Variants in IL1RAPL1 observed in about 807,000 individuals in gnomAD.
IL1RAPL1 encodes interleukin-1 receptor accessory protein-like 1.
In IL1RAPL1, 3 loss-of-function variants were observed where a neutral mutation model predicts 48.4. That is an observed-to-expected ratio of 0.06 (90% CI 0.03 to 0.16). The LOEUF is 0.16. Ranked by LOEUF, IL1RAPL1 falls within the 10% of genes least tolerant of loss-of-function variation. The probability of loss-of-function intolerance (pLI) is 1.00; values close to 1 mark genes in which losing one functional copy is unlikely to be tolerated. For synonymous variants in IL1RAPL1, 185 were observed against 187.7 expected (o/e 0.99, Z 0.12); for missense variants, 349 against 530.6 (o/e 0.66, Z 3.36).
chrX:28,723,303 C>T (rs1194979857), intron 1 of IL1RAPL1, among the ~76,000 whole-genome samples: 2 of 110,835 alleles, frequency 1.8e-5, no homozygotes, highest in African/African-American at 6.6e-5. Flanking sequence ...GATTCAACTT[C>T]TTCCTGGTTT....
At chrX:28,793,627 A>G (rs976315368) in intron 2 of IL1RAPL1, among the ~76,000 whole-genome samples, 1 of 111,440 alleles carries the variant, frequency 9.0e-6, no homozygotes, top group Non-Finnish European at 1.9e-5. Flanking sequence ...AAAATGGTGT[A>G]TAAGAAAATC....
At chrX:29,045,934 C>T (rs1926950975) in intron 2 of IL1RAPL1, among the ~76,000 whole-genome samples, 1 of 44,924 alleles carries the variant, frequency 2.2e-5, no homozygotes, top group African/African-American at 2.0e-4. Flanking sequence ...CCTCCTCCTC[C>T]TCCTTCTTCC....
At chrX:29,632,521 G>A (rs1026257289) in intron 5 of IL1RAPL1, among the ~76,000 whole-genome samples, 1 of 111,297 alleles carries the variant, frequency 9.0e-6, no homozygotes, top group African/African-American at 3.3e-5. Flanking sequence ...TGTGGGCAGT[G>A]GAAAAATACA....
chrX:29,228,058 C>G lies in IL1RAPL1; in HGVS notation c.83-54880C>G, dbSNP rs146450181. Among the ~76,000 whole-genome samples, 1,045 of 108,348 alleles carry G rather than the reference C, an allele frequency of 9.6e-3. 19 individuals carry two copies. Among genetic ancestry groups the G allele is most frequent in the African/African-American group, 0.034 (1,004 of 29,743 alleles). The allele number at this position is 108,348 out of a possible 115,157, so 94.1% of individuals were successfully genotyped here. On this transcript the variant is annotated intron_variant, in intron 2 of 10. Transcript: ENST00000378993. ...AACAAATTTACAGGTAATGAACACT[C>G]TTATTACTAATGAAGGCAAATGCCT...
chrX:29,391,759 T>C (rs756941980), intron 3 of IL1RAPL1, among the ~76,000 whole-genome samples: 1 of 111,915 alleles, frequency 8.9e-6, no homozygotes, highest in African/African-American at 3.2e-5. Flanking sequence ...TTATCATCTA[T>C]AGGTATATAG....
intron 5 of IL1RAPL1, among the ~76,000 whole-genome samples, chrX:29,582,347 ATCTTT>A (rs1569343615): frequency 2.3e-5 from 2 of 85,763 alleles, no homozygotes; most frequent in East Asian, 6.9e-4. Context: ...TAAAGATAGC[ATCTTT>A]TTTTTTTTAT....
At chrX:29,324,722 A>C (rs1384841905) in intron 3 of IL1RAPL1, among the ~76,000 whole-genome samples, 1 of 111,626 alleles carries the variant, frequency 9.0e-6, no homozygotes, top group East Asian at 2.8e-4. Flanking sequence ...TTCGATGGCT[A>C]TCCTCAGGGA....
chrX:29,775,013 T>G (rs1929159817), intron 6 of IL1RAPL1, among the ~76,000 whole-genome samples: 1 of 111,475 alleles, frequency 9.0e-6, no homozygotes. Flanking sequence ...AATTGCTGAG[T>G]GGGATTTTTG....
intron 2 of IL1RAPL1, among the ~76,000 whole-genome samples, chrX:28,973,061 TCTC>T (rs896423472): frequency 8.9e-6 from 1 of 112,069 alleles, no homozygotes; most frequent in African/African-American, 3.2e-5. Context: ...TGTCTCTTCT[TCTC>T]TGAAGTCTCT....
intron 6 of IL1RAPL1, among the ~76,000 whole-genome samples, chrX:29,777,810 G>A (rs5928343): frequency 0.42 from 45,778 of 109,188 alleles, 7,182 homozygotes; most frequent in African/African-American, 0.54. Context: ...TAAATAAATT[G>A]TATTGTTAAT....
intron 5 of IL1RAPL1, among the ~76,000 whole-genome samples, chrX:29,515,758 C>T (rs1474201545): frequency 1.8e-5 from 2 of 111,612 alleles, no homozygotes; most frequent in Non-Finnish European, 1.9e-5. Flanking sequence ...TGTGATTTGG[C>T]TCACTGCAAC....
At chrX:29,083,667 G>T (rs1303532617) in intron 2 of IL1RAPL1, among the ~76,000 whole-genome samples, 1 of 111,662 alleles carries the variant, frequency 9.0e-6, no homozygotes, top group Admixed American at 9.5e-5. Flanking sequence ...TGATCTATGA[G>T]ACAATAGATT....
intron 6 of IL1RAPL1, among the ~76,000 whole-genome samples, chrX:29,885,722 G>C (rs754253801): frequency 5.4e-5 from 6 of 111,639 alleles, no homozygotes; most frequent in African/African-American, 2.0e-4. Flanking sequence ...GGGAAGCTGA[G>C]GCGGGAGGTT....
intron 5 of IL1RAPL1, among the ~76,000 whole-genome samples, chrX:29,548,044 A>G (rs1299512775): frequency 4.4e-5 from 5 of 112,486 alleles, no homozygotes; most frequent in Non-Finnish European, 9.4e-5. Context: ...TTTGCCTTCT[A>G]CAGTCTTCAG....
intron 8 of IL1RAPL1, among the ~76,000 whole-genome samples, chrX:29,933,670 AAAAG>A (rs1323857718): frequency 4.5e-5 from 5 of 110,227 alleles, no homozygotes; most frequent in Non-Finnish European, 7.6e-5. Flanking sequence ...AAAAAAAAAA[AAAAG>A]AGAGAGAAGA....
intron 5 of IL1RAPL1, among the ~76,000 whole-genome samples, chrX:29,558,204 T>C (rs886383732): frequency 4.5e-5 from 5 of 112,032 alleles, no homozygotes; most frequent in African/African-American, 1.3e-4. Flanking sequence ...ACTTCTTCTC[T>C]TTTCACATTT....
intron 1 of IL1RAPL1, among the ~76,000 whole-genome samples, chrX:28,737,648 C>A (rs1244951117): frequency 8.9e-6 from 1 of 112,202 alleles, no homozygotes; most frequent in Non-Finnish European, 1.9e-5. Flanking sequence ...TGATTTCTTA[C>A]AAGAAGGCTT....
At chrX:29,237,437 C>T (rs760758372) in intron 2 of IL1RAPL1, among the ~76,000 whole-genome samples, 11 of 112,424 alleles carry the variant, frequency 9.8e-5, no homozygotes, top group African/African-American at 3.5e-4. Context: ...CAACATGGGA[C>T]CCCAGTGTGT....
chrX:29,388,106 C>CAAA (rs71862742), intron 3 of IL1RAPL1, among the ~76,000 whole-genome samples: 19,828 of 51,312 alleles, frequency 0.39, 2,982 homozygotes, highest in Middle Eastern at 0.5. Context: ...AAGGTTAAGC[C>CAAA]AAAAAAAAAA....
Sources: gnomAD v4.1 joint callset for allele counts (sites outside exome capture counted in the v4.1 genomes callset) on GRCh38, gnomAD v4.1.1 for gene constraint, MANE v1.5 for transcripts, NCBI Gene and HGNC (gene_info 2026-07-23, HGNC 2026-07-21) for gene names.